The following BTBD10 variants were observed in gnomAD, a reference collection of about 807,000 sequenced individuals.
BTBD10 encodes BTB/POZ domain-containing protein 10.
BTBD10 carries 21 observed loss-of-function variants against 53.2 expected under a neutral mutation model. That is an observed-to-expected ratio of 0.39 (90% CI 0.28 to 0.57). BTBD10 has a LOEUF of 0.57. Among genes scored for constraint, BTBD10 ranks in the 20% least tolerant of loss-of-function variants. The pLI is 0.53. For missense variants in BTBD10, 360 were observed against 594.7 expected, an observed-to-expected ratio of 0.61 and a Z score of 4.10; for synonymous variants, 149 against 192.7, an observed-to-expected ratio of 0.77 and a Z score of 1.88.
intron 2 of BTBD10, among the ~76,000 whole-genome samples, chr11:13,431,389 A>G (rs923435882): frequency 2.6e-5 from 4 of 152,160 alleles, no homozygotes; most frequent in African/African-American, 9.7e-5. Flanking sequence ...CTTAATCATG[A>G]TCCTCTGAGA....
rs752594225 is a variant in BTBD10 at position 13,421,707 on chromosome 11, C to G, written c.233G>C (p.Arg78Thr). 1.9e-5 allele frequency: 30 copies of G among 1,613,962 alleles called. No individual in the cohort carries two copies. Among genetic ancestry groups the G allele is most frequent in the Non-Finnish European group, 2.5e-5 (29 of 1,179,974 alleles). ...ACAAGGAGTGAGCTGAGACTCCGTTCTTTCATGAGATGAATCTCGTGATCT... is the reference window on the plus strand; with the variant it reads ...ACAAGGAGTGAGCTGAGACTCCGTTGTTTCATGAGATGAATCTCGTGATCT... ...SDRSRDSSHE[R>T]TESQLTPCIR... Residue 78 changes from arginine (R) to threonine (T), a missense_variant, in exon 3 of 9, where the codon AGA becomes ACA. Around this residue, in one of 6 missense-constraint regions of BTBD10, gnomAD observed 109 missense variants for 118.6 expected, o/e 0.92. Transcript: ENST00000278174.
intron 5 of BTBD10, among the ~76,000 whole-genome samples, chr11:13,415,672 G>T: frequency 6.6e-6 from 1 of 151,684 alleles, no homozygotes; most frequent in Non-Finnish European, 1.5e-5. Context: ...TTTATAGAAT[G>T]TTACGTAGTT....
chr11:13,450,272 T>A (rs1950833108), intron 1 of BTBD10, among the ~76,000 whole-genome samples: 1 of 152,112 alleles, frequency 6.6e-6, no homozygotes, highest in Non-Finnish European at 1.5e-5. Flanking sequence ...GATGACATTC[T>A]CTATGTGGAA....
At chr11:13,430,065 T>C (rs1950418956) in intron 2 of BTBD10, among the ~76,000 whole-genome samples, 1 of 152,104 alleles carries the variant, frequency 6.6e-6, no homozygotes, top group African/African-American at 2.4e-5. Flanking sequence ...ATGGTCATCA[T>C]GCTACTGCAC....
chr11:13,415,775 C>T (rs937677079), intron 5 of BTBD10, among the ~76,000 whole-genome samples: 2 of 151,860 alleles, frequency 1.3e-5, no homozygotes, highest in African/African-American at 4.8e-5. Context: ...CTGTCACATC[C>T]CAAGTACCTG....
intron 3 of BTBD10, 53 bp from the exon 4 acceptor site, chr11:13,419,798 G>A (rs1287525158): frequency 2.2e-6 from 3 of 1,376,492 alleles, no homozygotes; most frequent in East Asian, 4.7e-5. Flanking sequence ...ACAAATTCAA[G>A]ATTTATATAT....
intron 4 of BTBD10, 49 bp downstream of exon 4, chr11:13,419,411 G>A: frequency 1.3e-6 from 2 of 1,576,478 alleles, no homozygotes. Context: ...AATAATGGCA[G>A]TAAAAGCACA....
At chr11:13,413,672 A>G (rs1017966426) in intron 5 of BTBD10, 22 bp from the exon 6 acceptor site, 4 of 1,600,458 alleles carry the variant, frequency 2.5e-6, no homozygotes, top group Non-Finnish European at 1.7e-6. Flanking sequence ...AAAGTAAAGA[A>G]AGCATAAAAT....
At chr11:13,433,687 T>C (rs1382960694) in intron 2 of BTBD10, among the ~76,000 whole-genome samples, 6 of 152,184 alleles carry the variant, frequency 3.9e-5, no homozygotes, top group Non-Finnish European at 7.4e-5. Flanking sequence ...TGTCTATTCA[T>C]GATTACTGTT....
chr11:13,417,293 T>C (rs1416744743), intron 4 of BTBD10, 33 bp from the exon 5 acceptor site: 3 of 1,450,808 alleles, frequency 2.1e-6, no homozygotes, highest in South Asian at 2.5e-5. Flanking sequence ...AATACGTCAA[T>C]AGAATACTTC....
chr11:13,419,095 G>A (rs527835731), intron 4 of BTBD10, among the ~76,000 whole-genome samples: 1 of 147,278 alleles, frequency 6.8e-6, no homozygotes, highest in African/African-American at 2.5e-5. Flanking sequence ...TATATTTTGT[G>A]ATTGAATGGG....
chr11:13,405,517 G>A, intron 7 of BTBD10, 142 bp downstream of exon 7: 3 of 829,270 alleles, frequency 3.6e-6, no homozygotes, highest in Non-Finnish European at 5.6e-6. Context: ...GCAGCCATAG[G>A]CAATACATAA....
intron 2 of BTBD10, among the ~76,000 whole-genome samples, chr11:13,434,010 GTTA>G (rs1201944163): frequency 6.6e-6 from 1 of 152,076 alleles, no homozygotes; most frequent in African/African-American, 2.4e-5. Flanking sequence ...TGAAGAATTA[GTTA>G]AATTCTCAAA....
intron 8 of BTBD10, among the ~76,000 whole-genome samples, chr11:13,390,448 A>G (rs1309533588): frequency 1.3e-5 from 2 of 151,436 alleles, no homozygotes; most frequent in East Asian, 3.9e-4. Context: ...GGTTCAAGAG[A>G]TTCTCCTGCC....
intron 8 of BTBD10, among the ~76,000 whole-genome samples, chr11:13,394,953 T>G (rs1591086758): frequency 2.0e-5 from 3 of 151,458 alleles, no homozygotes; most frequent in South Asian, 2.1e-4. Context: ...TGTTGGACAT[T>G]TGGGTTGGTT....
At chr11:13,456,421 AG>A (rs1950969962) in intron 1 of BTBD10, among the ~76,000 whole-genome samples, 1 of 152,204 alleles carries the variant, frequency 6.6e-6, no homozygotes, top group Non-Finnish European at 1.5e-5. Flanking sequence ...ACCACATACA[AG>A]GATATACTCC....
At chr11:13,425,728 T>C (rs1329994909) in intron 2 of BTBD10, among the ~76,000 whole-genome samples, 2 of 152,178 alleles carry the variant, frequency 1.3e-5, no homozygotes, top group African/African-American at 2.4e-5. Flanking sequence ...AGAGAGAACT[T>C]TGAATGTTCC....
intron 8 of BTBD10, among the ~76,000 whole-genome samples, chr11:13,396,586 T>C (rs1057061436): frequency 9.9e-5 from 15 of 152,094 alleles, no homozygotes; most frequent in Non-Finnish European, 8.8e-5. Context: ...TGGTGAATAG[T>C]TGTGGTGAGA....
At chr11:13,429,654 T>C (rs955574000) in intron 2 of BTBD10, among the ~76,000 whole-genome samples, 2 of 150,666 alleles carry the variant, frequency 1.3e-5, no homozygotes, top group Non-Finnish European at 3.0e-5. Flanking sequence ...GTTCCCATCA[T>C]ATGCAAAAGT....
Sources: gnomAD v4.1 joint callset for allele counts (sites outside exome capture counted in the v4.1 genomes callset) on GRCh38, gnomAD v4.1.1 for gene constraint, gnomAD v4.1.1 regional missense constraint, MANE v1.5 for transcripts, NCBI Gene and HGNC (gene_info 2026-07-23, HGNC 2026-07-21) for gene names.